PLCH1: variants seen among roughly 807,000 people sequenced by gnomAD.
PLCH1 encodes 1-phosphatidylinositol 4,5-bisphosphate phosphodiesterase eta-1.
A neutral mutation model predicts 126.7 loss-of-function variants in PLCH1; 60 were observed. That is an observed-to-expected ratio of 0.47 (90% CI 0.38 to 0.59). PLCH1 has a LOEUF of 0.59. Among genes scored for constraint, PLCH1 ranks in the 20% least tolerant of loss-of-function variants. The pLI is 0.00. For synonymous variants in PLCH1, 719 were observed against 734.9 expected (o/e 0.98, Z 0.35); for missense variants, 1,723 against 2,040.0 (o/e 0.84, Z 2.99).
intron 1 of PLCH1, among the ~76,000 whole-genome samples, chr3:155,725,524 T>C (rs1748255994): frequency 6.6e-6 from 1 of 151,438 alleles, no homozygotes; most frequent in African/African-American, 2.4e-5. Context: ...CTCAGCTCAC[T>C]GCAACCTCCA....
intron 2 of PLCH1, among the ~76,000 whole-genome samples, chr3:155,689,467 GATAT>G (rs1350748440): frequency 2.0e-5 from 3 of 152,048 alleles, no homozygotes; most frequent in African/African-American, 7.2e-5. Flanking sequence ...GAGAAACAGA[GATAT>G]ATGACCTTTC....
intron 21 of PLCH1, among the ~76,000 whole-genome samples, chr3:155,470,506 G>T (rs940610242): frequency 1.3e-5 from 2 of 152,078 alleles, no homozygotes; most frequent in African/African-American, 4.8e-5. Context: ...CACTCTGCAG[G>T]ATATTATCCA....
chr3:155,526,489 TACACACAC>T (rs35144196), intron 10 of PLCH1, among the ~76,000 whole-genome samples: 1,479 of 126,656 alleles, frequency 0.012, 25 homozygotes, highest in African/African-American at 0.035. Context: ...CTCTCTCTCA[TACACACAC>T]ACACACACAC....
At chr3:155,500,895 C>T in intron 13 of PLCH1, 101 bp from the exon 14 acceptor site, 2 of 761,856 alleles carry the variant, frequency 2.6e-6, no homozygotes, top group Non-Finnish European at 2.2e-6. Flanking sequence ...TGTGCACAAA[C>T]ATAACTTGGA....
At chr3:155,712,361 A>C (rs1270120567) in intron 1 of PLCH1, among the ~76,000 whole-genome samples, 1 of 152,222 alleles carries the variant, frequency 6.6e-6, no homozygotes, top group Non-Finnish European at 1.5e-5. Context: ...GTATTTAAGC[A>C]AAGCAAAACA....
intron 18 of PLCH1, among the ~76,000 whole-genome samples, chr3:155,491,598 GA>G (rs1185470728): frequency 6.6e-6 from 1 of 152,148 alleles, no homozygotes. Context: ...TCAACAATGA[GA>G]AAAGAATAAA....
chr3:155,481,714 G>C lies in PLCH1; in HGVS notation c.4312C>G (p.His1438Asp), dbSNP rs2108004646. 2 of 1,614,202 alleles carry C rather than the reference G, an allele frequency of 1.2e-6. No homozygotes were observed. The highest frequency in any genetic ancestry group is 4.5e-5 in the East Asian group (2 of 44,876). Residue 1438 changes from histidine (H) to aspartate (D), a missense_variant, in exon 23 of 23, where the codon CAT (histidine) becomes GAT (aspartate). Transcript: ENST00000460012. This position sits in a 1 kb window ranked among gnomAD's most constrained non-coding sequence, Gnocchi z 4.2. The part of the protein sequence containing the change: ...AYQGAGFVHN[H>D]FSDSDAKMFQ... ...ATTTTTGCATCTGAATCTGAGAAAT[G>C]ATTATGCACAAAGCCAGCACCCTGA...
At chr3:155,454,486 T>G (rs753258847) in intron 21 of PLCH1, among the ~76,000 whole-genome samples, 8 of 151,724 alleles carry the variant, frequency 5.3e-5, no homozygotes, top group Non-Finnish European at 4.4e-5. Context: ...CCATCTTAAA[T>G]AAATAAATAA....
chr3:155,616,518 G>A (rs1298463114), intron 2 of PLCH1, among the ~76,000 whole-genome samples: 1 of 152,054 alleles, frequency 6.6e-6, no homozygotes, highest in African/African-American at 2.4e-5. Flanking sequence ...ATTGTAAAAG[G>A]TTATAAAAGG....
chr3:155,530,847 A>T (rs1008935663), intron 10 of PLCH1, among the ~76,000 whole-genome samples: 7 of 152,226 alleles, frequency 4.6e-5, no homozygotes, highest in African/African-American at 1.4e-4. Context: ...TACAAAGTAT[A>T]TTTCTTAAAT....
chr3:155,629,306 G>A (rs928180393), intron 2 of PLCH1, among the ~76,000 whole-genome samples: 6 of 152,038 alleles, frequency 3.9e-5, no homozygotes, highest in Admixed American at 6.6e-5. Context: ...AGGAATTTGC[G>A]TTTCTACACC....
intron 3 of PLCH1, among the ~76,000 whole-genome samples, chr3:155,595,691 A>T (rs932757228): frequency 2.0e-5 from 3 of 152,104 alleles, no homozygotes; most frequent in Admixed American, 2.0e-4. Flanking sequence ...AATTCTACTA[A>T]GTCCTCTCTC....
chr3:155,681,988 A>G (rs1316418960), intron 2 of PLCH1, among the ~76,000 whole-genome samples: 2 of 152,102 alleles, frequency 1.3e-5, no homozygotes, highest in African/African-American at 4.8e-5. Flanking sequence ...AGTCATCCTT[A>G]CTCAGCTAGC....
chr3:155,640,429 GAGCCACTGAACGTTTTA>G (rs1325659650), intron 2 of PLCH1, among the ~76,000 whole-genome samples: 27 of 152,350 alleles, frequency 1.8e-4, no homozygotes, highest in African/African-American at 6.3e-4. Flanking sequence ...AGGGCTCTGT[GAGCCACTGAACGTTTTA>G]AGCAGAGTGA....
chr3:155,664,188 T>A (rs2108954208), intron 2 of PLCH1, among the ~76,000 whole-genome samples: 2 of 152,308 alleles, frequency 1.3e-5, no homozygotes, highest in East Asian at 1.9e-4. Context: ...GAACTCAGGG[T>A]GCCTGATTAT....
intron 1 of PLCH1, among the ~76,000 whole-genome samples, chr3:155,738,171 C>A (rs1749335731): frequency 6.6e-6 from 1 of 152,142 alleles, no homozygotes; most frequent in African/African-American, 2.4e-5. Context: ...AGAGCAAAAC[C>A]CAGAGAGCCC....
chr3:155,689,852 A>T (rs571860904), intron 2 of PLCH1, among the ~76,000 whole-genome samples: 71 of 152,262 alleles, frequency 4.7e-4, no homozygotes, highest in Non-Finnish European at 7.9e-4. Flanking sequence ...ACAGAAGTAG[A>T]AAGTTTATTC....
At chr3:155,455,751 A>G (rs1191312430) in intron 21 of PLCH1, among the ~76,000 whole-genome samples, 2 of 152,352 alleles carry the variant, frequency 1.3e-5, no homozygotes, top group South Asian at 4.1e-4. Flanking sequence ...AATATTCTTT[A>G]CTTCTACAAA....
chr3:155,546,410 C>A (rs926371189), intron 10 of PLCH1, among the ~76,000 whole-genome samples: 14 of 152,148 alleles, frequency 9.2e-5, no homozygotes, highest in African/African-American at 3.4e-4. Flanking sequence ...AATGGAAGAA[C>A]ATTCCATGCT....
Sources: gnomAD v4.1 joint callset for allele counts (sites outside exome capture counted in the v4.1 genomes callset) on GRCh38, gnomAD v4.1.1 for gene constraint, Gnocchi (gnomAD v3.1) non-coding constraint, MANE v1.5 for transcripts, NCBI Gene and HGNC (gene_info 2026-07-23, HGNC 2026-07-21) for gene names.